Variants in CARS1 observed in about 807,000 individuals in gnomAD.
CARS1 encodes the protein cysteinyl-tRNA synthetase 1, also known as cysteine--tRNA ligase, cytoplasmic.
In CARS1, 48 loss-of-function variants were observed where a neutral mutation model predicts 106.2. The observed-to-expected ratio is 0.45, with a 90% CI of 0.36 to 0.57. The LOEUF is 0.57. CARS1 is among the 20% of genes least tolerant of loss of function. The pLI is 0.00. For synonymous variants in CARS1, 409 were observed against 403.4 expected, an observed-to-expected ratio of 1.01 and a Z score of -0.17; for missense variants, 968 against 1,057.2, an observed-to-expected ratio of 0.92 and a Z score of 1.17.
chr11:3,011,019 G>A (rs1182737651), intron 18 of CARS1, among the ~76,000 whole-genome samples: 7 of 152,178 alleles, frequency 4.6e-5, no homozygotes, highest in Non-Finnish European at 8.8e-5. Flanking sequence ...AGTAGCACTC[G>A]AGGTCAGTGT....
rs1855095216 is a variant in CARS1, at chr11:3,046,491, G to C, written c.274+1262C>G. 6.6e-6 allele frequency among the ~76,000 whole-genome samples: 1 copy of C among 152,210 alleles called. No individual in the cohort carries two copies. Among genetic ancestry groups the C allele is most frequent in the African/African-American group, 2.4e-5 (1 of 41,462 alleles). On this transcript the variant is annotated intron_variant, in intron 2 of 22. Transcript: ENST00000380525. The surrounding 1 kb of genome is among the most constrained non-coding windows in gnomAD (Gnocchi z 5.8). ...CATGGGGAAGGACGTGACCTGCACA[G>C]CAACGGCCTCTGCCCTACGCTGGGG...
At chr11:3,032,630 T>C (rs930040308) in intron 7 of CARS1, among the ~76,000 whole-genome samples, 2 of 152,014 alleles carry the variant, frequency 1.3e-5, no homozygotes, top group Non-Finnish European at 2.9e-5. Flanking sequence ...GTATTCTGTT[T>C]AAAAATTTTT....
In CARS1 at chr11:3,028,404, C is replaced by T. The variant is rs1005074134; in HGVS notation, c.1031+592G>A. 2 of 335,938 alleles carry T rather than the reference C, an allele frequency of 6.0e-6. No individual in the cohort carries two copies. Among genetic ancestry groups the T allele is most frequent in the South Asian group, 3.8e-5 (1 of 26,214 alleles). The allele number at this position is 335,938 out of a possible 1,614,324, so 20.8% of individuals were successfully genotyped here. On this transcript the variant is annotated intron_variant, in intron 9 of 22. Transcript: ENST00000380525. The surrounding 1 kb of genome is among the most constrained non-coding windows in gnomAD (Gnocchi z 4.4). Reference sequence around the variant, plus strand: ...CTTTATTTCTACAATCTCTCATCTCCACACATGGGGAGAAAAACCCACCGA... The same window carrying T: ...CTTTATTTCTACAATCTCTCATCTCTACACATGGGGAGAAAAACCCACCGA...
At chr11:3,033,751 A>T (rs1458589571) in intron 7 of CARS1, among the ~76,000 whole-genome samples, 1 of 152,230 alleles carries the variant, frequency 6.6e-6, no homozygotes, top group African/African-American at 2.4e-5. Context: ...CAACACAGCC[A>T]AACTGGATCT....
chr11:3,047,107 C>G (rs563330098), intron 2 of CARS1, among the ~76,000 whole-genome samples: 2 of 152,102 alleles, frequency 1.3e-5, no homozygotes, highest in African/African-American at 4.8e-5. Flanking sequence ...GAAACCCCGT[C>G]TCTACTAAAA....
rs1849578549 is a variant in CARS1, at chr11:3,003,459, T to C, written c.2218-859A>G. 6.6e-6 allele frequency among the ~76,000 whole-genome samples: 1 copy of C among 152,074 alleles called. No homozygotes were observed. The highest frequency in any genetic ancestry group is 6.5e-5 in the Admixed American group (1 of 15,276). Reference sequence around the variant, plus strand: ...GAGGCTTCCTGGCCCAGTGGAGCTATCAGGTAGGCAGCTGGGCAAACTGTT... The same window carrying C: ...GAGGCTTCCTGGCCCAGTGGAGCTACCAGGTAGGCAGCTGGGCAAACTGTT... On this transcript the variant is annotated intron_variant, in intron 20 of 22. Transcript: ENST00000380525. The surrounding 1 kb of genome is among the most constrained non-coding windows in gnomAD (Gnocchi z 4.8).
chr11:3,052,039 T>C lies in CARS1; in HGVS notation c.26-4038A>G, dbSNP rs1359117556. 2.6e-5 allele frequency among the ~76,000 whole-genome samples: 4 copies of C among 152,226 alleles called. No homozygotes were observed. The highest frequency in any genetic ancestry group is 6.5e-5 in the Admixed American group (1 of 15,282). ...TTGATGAGAGGGGGTGACAGGTGAT[T>C]TTAATTCCCTCTTTTTCTTCATTGC... On this transcript the variant is annotated intron_variant, in intron 1 of 22. Transcript: ENST00000380525. This position sits in a 1 kb window ranked among gnomAD's most constrained non-coding sequence, Gnocchi z 4.6.
At chr11:3,018,990 G>T in intron 12 of CARS1, 149 bp downstream of exon 12, 1 of 1,067,740 alleles carries the variant, frequency 9.4e-7, no homozygotes, top group Non-Finnish European at 1.3e-6. Flanking sequence ...CACACTAAAT[G>T]ATCAGGGTTC....
Position 3,040,976 on chromosome 11 carries a change from G to A in CARS1, c.375C>T (p.Phe125=), listed in dbSNP as rs750813071. The A allele has an allele frequency of 2.5e-6, 4 of 1,614,060 alleles. No individual in the cohort carries two copies. Among genetic ancestry groups the A allele is most frequent in the Admixed American group, 1.7e-5 (1 of 60,020 alleles). ...TCACCTTTTTCCCATCTTGAGGTAT[G>A]AACACTTCCTTTGTTAGGAATGAAG... ...YNSLTRNKEV[F]IPQDGKKVTW... is the part of the protein sequence containing the mutation. Residue 125 remains phenylalanine, a synonymous_variant, in exon 4 of 23, where the codon TTC becomes TTT. Coordinates refer to ENST00000380525, the MANE Select transcript of CARS1 (RefSeq NM_001014437.3). This position sits in a 1 kb window ranked among gnomAD's most constrained non-coding sequence, Gnocchi z 5.8.
chr11:3,014,983 T>C (rs754520280), intron 17 of CARS1, among the ~76,000 whole-genome samples: 3 of 152,254 alleles, frequency 2.0e-5, no homozygotes, highest in African/African-American at 4.8e-5. Context: ...AGATCTGCAT[T>C]CTAATCGAAT....
intron 19 of CARS1, 130 bp downstream of exon 19, chr11:3,006,748 TG>T: frequency 2.5e-6 from 2 of 797,186 alleles, no homozygotes; most frequent in African/African-American, 1.7e-5. Context: ...GGGGGACCCA[TG>T]GGGCTGCCAC....
At position 3,048,270 on chromosome 11, in the gene CARS1, T is replaced by C; in HGVS notation, c.26-269A>G. 1 of 410,916 alleles carries C rather than the reference T, an allele frequency of 2.4e-6. No individual in the cohort carries two copies. Among genetic ancestry groups the C allele is most frequent in the Non-Finnish European group, 4.4e-6 (1 of 227,216 alleles). The allele number at this position is 410,916 out of a possible 1,614,324, so 25.5% of individuals were successfully genotyped here. ...CAGAAATGAAGGCTGCATGACAACA[T>C]CATGCGCCAAATACCACAGAATTGT... is the stretch of plus-strand genomic sequence containing the variant. On this transcript the variant is annotated intron_variant, in intron 1 of 22. Transcript: ENST00000380525. The surrounding 1 kb of genome is among the most constrained non-coding windows in gnomAD (Gnocchi z 5.1).
rs1360349655 is a variant in CARS1 at position 3,008,153 on chromosome 11, C to G, written c.2069-1194G>C. The G allele has an allele frequency of 6.6e-6, 1 of 152,358 alleles. No individual in the cohort carries two copies. Among genetic ancestry groups the G allele is most frequent in the Non-Finnish European group, 1.5e-5 (1 of 68,148 alleles). The allele number at this position is 152,358 out of a possible 1,614,324, so 9.4% of individuals were successfully genotyped here. A position where few individuals can be genotyped will look rare whatever the true frequency, so the allele number is the denominator to read the frequency against. On this transcript the variant is annotated intron_variant, in intron 18 of 22. Transcript: ENST00000380525. This position sits in a 1 kb window ranked among gnomAD's most constrained non-coding sequence, Gnocchi z 5.1. The stretch of plus-strand genomic sequence containing the variant: ...GCGGGCAGGTGCCCTGCCCCCCAGC[C>G]TGCTGGGACCCCCACCATCCCACCC...
intron 17 of CARS1, among the ~76,000 whole-genome samples, chr11:3,014,918 C>T (rs1375644086): frequency 5.3e-5 from 8 of 152,226 alleles, no homozygotes; most frequent in Non-Finnish European, 1.2e-4. Context: ...TGCATTTTGA[C>T]TTTGTATTAA....
chr11:3,015,708 T>C (rs1010187259), intron 17 of CARS1, 73 bp downstream of exon 17: 1 of 1,352,888 alleles, frequency 7.4e-7, no homozygotes, highest in Non-Finnish European at 1.1e-6. Flanking sequence ...GGAGGGGCAG[T>C]TCAGAGGGAC....
In CARS1 at chr11:3,047,952, T is replaced by C. The variant is rs370289675; in HGVS notation, c.75A>G (p.Ala25=). ...TGCTGAGGTGCTCGTTCAGGGCTTG[T>C]GCCCTGGCTGCCTCGTCACTAATGC... ...ILSISDEAAR[A]QALNEHLSTR... The change falls in exon 2 of 23, where the codon GCA becomes GCG. Residue 25 remains alanine (A), a synonymous_variant. Coordinates refer to ENST00000380525, the MANE Select transcript of CARS1 (RefSeq NM_001014437.3). The C allele has an allele frequency of 1.3e-5, 21 of 1,614,124 alleles. No homozygotes were observed. The highest frequency in any genetic ancestry group is 1.6e-4 in the Middle Eastern group (1 of 6,062).
chr11:3,035,458 T>C (rs1002944300), intron 7 of CARS1, among the ~76,000 whole-genome samples: 2 of 152,292 alleles, frequency 1.3e-5, no homozygotes, highest in African/African-American at 2.4e-5. Context: ...CAAAATGTGG[T>C]AGAAGAAGAA....
rs914648160 is a variant in CARS1 at position 3,052,937 on chromosome 11, G to A, written c.25+4406C>T. Among the ~76,000 whole-genome samples the A allele has an allele frequency of 7.2e-5, 11 of 152,338 alleles. No individual in the cohort carries two copies. The highest frequency in any genetic ancestry group is 2.4e-4 in the African/African-American group (10 of 41,578). ...CGAAACTCCTGCTCTGCCCCCATGA[G>A]AAGGAATGTCCACCACCGGATGACC... On this transcript the variant is annotated intron_variant, in intron 1 of 22. Coordinates refer to ENST00000380525, the MANE Select transcript of CARS1 (RefSeq NM_001014437.3). This position sits in a 1 kb window ranked among gnomAD's most constrained non-coding sequence, Gnocchi z 4.6.
At chr11:3,005,631 A>ATT (rs5789288) in intron 19 of CARS1, among the ~76,000 whole-genome samples, 198 bp from the exon 20 acceptor site, 7,367 of 132,384 alleles carry the variant, frequency 0.056, 720 homozygotes, top group African/African-American at 0.19. Context: ...TGTGTGTGTG[A>ATT]TTTTTTTTTT....
Sources: gnomAD v4.1 joint callset for allele counts (sites outside exome capture counted in the v4.1 genomes callset) on GRCh38, gnomAD v4.1.1 for gene constraint, Gnocchi (gnomAD v3.1) non-coding constraint, MANE v1.5 for transcripts, NCBI Gene and HGNC (gene_info 2026-07-23, HGNC 2026-07-21) for gene names.